Variants in LRP1B observed in about 807,000 individuals in gnomAD.
The protein encoded by LRP1B is LDL receptor related protein 1B, also known as low-density lipoprotein receptor-related protein 1B.
In LRP1B, 217 loss-of-function variants were observed where a neutral mutation model predicts 556.6. The ratio of observed to expected loss-of-function variants is 0.39; its 90% CI spans 0.35 to 0.44. The LOEUF (loss-of-function observed/expected upper bound fraction) is 0.44, where lower values mean the gene tolerates loss of function less well. Ranked by LOEUF, LRP1B falls within the 20% of genes least tolerant of loss-of-function variation. The probability of loss-of-function intolerance (pLI) is 1.00; values close to 1 mark genes in which losing one functional copy is unlikely to be tolerated. For missense variants in LRP1B, 5,053 were observed against 5,620.8 expected (o/e 0.90, Z 3.23); for synonymous variants, 2,047 against 1,865.8 (o/e 1.10, Z -2.50).
chr2:140,663,265 C>G (rs1360583323), intron 41 of LRP1B, among the ~76,000 whole-genome samples: 1 of 152,124 alleles, frequency 6.6e-6, no homozygotes. Flanking sequence ...TACAAACACA[C>G]CATGTTGGAA....
rs1219223165 is a variant in LRP1B, at chr2:140,467,654, A to T, written c.9625+7484T>A. 2.7e-5 allele frequency among the ~76,000 whole-genome samples: 4 copies of T among 148,228 alleles called. No individual in the cohort carries two copies. The East Asian group carries it at 8.0e-4, about 30-fold the overall frequency. ...AAAAAGTCTTAAAAGGTGGAGGTGG[A>T]GGCTTTGAGAAGTGATTGTCATGAG... On this transcript the variant is annotated intron_variant, in intron 60 of 90. Transcript: ENST00000389484.
chr2:141,906,083 G>T (rs1167603409), intron 1 of LRP1B, among the ~76,000 whole-genome samples: 1 of 151,074 alleles, frequency 6.6e-6, no homozygotes, highest in Non-Finnish European at 1.5e-5. Flanking sequence ...AGAAAATGAG[G>T]GATGGAGGGA....
rs1338481204 is a variant in LRP1B at position 141,096,661 on chromosome 2, A to AGGGAGAGAGG, written c.1014-34389_1014-34388insCCTCTCTCCC. On this transcript the variant is annotated intron_variant, in intron 7 of 90. Coordinates refer to ENST00000389484, the MANE Select transcript of LRP1B (RefSeq NM_018557.3). ...GAGAGAGAGAGAGAGAGAGAGAGAG[A>AGGGAGAGAGG]GAGAGAGAGAGAGAGAGAGAGAGAG... Among the ~76,000 whole-genome samples the AGGGAGAGAGG allele has an allele frequency of 3.5e-5, 3 of 84,790 alleles. No homozygotes were observed. In the East Asian group the frequency reaches 3.0e-3, roughly 84 times the overall value. The allele number at this position is 84,790 out of a possible 152,430, so 55.6% of individuals were successfully genotyped here.
At chr2:142,128,737 A>G (rs1707745243) in intron 1 of LRP1B, among the ~76,000 whole-genome samples, 1 of 152,110 alleles carries the variant, frequency 6.6e-6, no homozygotes. Flanking sequence ...ACACGACACT[A>G]TTTCATTTTT....
At chr2:140,583,924 T>C (rs1329912758) in intron 43 of LRP1B, among the ~76,000 whole-genome samples, 1 of 152,206 alleles carries the variant, frequency 6.6e-6, no homozygotes, top group South Asian at 2.1e-4. Flanking sequence ...CTTCCCATAA[T>C]GTCTTGGTTG....
At chr2:140,814,463 A>G (rs1049846765) in intron 31 of LRP1B, among the ~76,000 whole-genome samples, 3 of 152,206 alleles carry the variant, frequency 2.0e-5, no homozygotes, top group African/African-American at 7.2e-5. Context: ...CATTCCAGAT[A>G]TTTTTGAAAG....
intron 1 of LRP1B, among the ~76,000 whole-genome samples, chr2:142,068,663 T>A (rs1367048158): frequency 2.0e-5 from 3 of 151,500 alleles, no homozygotes; most frequent in Non-Finnish European, 3.0e-5. Flanking sequence ...ATTTGCAATA[T>A]CCTGAAGGAC....
At chr2:141,763,208 A>T (rs1694619325) in intron 2 of LRP1B, among the ~76,000 whole-genome samples, 1 of 152,150 alleles carries the variant, frequency 6.6e-6, no homozygotes, top group Admixed American at 6.5e-5. Flanking sequence ...ATTGAGTGAG[A>T]GTATGTATAA....
chr2:142,026,250 C>T (rs944418270), intron 1 of LRP1B, among the ~76,000 whole-genome samples: 1 of 152,074 alleles, frequency 6.6e-6, no homozygotes, highest in African/African-American at 2.4e-5. Context: ...TTAAAGAACA[C>T]ATCTGTTAAG....
chr2:141,716,627 C>T (rs1427837275), intron 2 of LRP1B, among the ~76,000 whole-genome samples: 1 of 152,046 alleles, frequency 6.6e-6, no homozygotes, highest in Non-Finnish European at 1.5e-5. Flanking sequence ...CAAAGAAGGC[C>T]ACTGCTCTGC....
chr2:140,665,410 G>A (rs142320277), intron 41 of LRP1B, among the ~76,000 whole-genome samples: 1 of 152,094 alleles, frequency 6.6e-6, no homozygotes, highest in African/African-American at 2.4e-5. Context: ...CTACAACATA[G>A]ACTCTATGAA....
intron 3 of LRP1B, among the ~76,000 whole-genome samples, chr2:141,367,442 A>G (rs1350463124): frequency 1.8e-5 from 1 of 56,226 alleles, no homozygotes; most frequent in Non-Finnish European, 3.9e-5. Flanking sequence ...TTTGAAACGT[A>G]TTTTGGATTG....
chr2:141,497,946 A>G (rs920507381), intron 2 of LRP1B, among the ~76,000 whole-genome samples: 5 of 149,772 alleles, frequency 3.3e-5, no homozygotes, highest in Admixed American at 6.7e-5. Flanking sequence ...AAATAACCTA[A>G]CACAGTCATA....
At chr2:141,749,236 C>T (rs905961649) in intron 2 of LRP1B, among the ~76,000 whole-genome samples, 18 of 152,052 alleles carry the variant, frequency 1.2e-4, no homozygotes, top group African/African-American at 4.3e-4. Flanking sequence ...ATATGGAAAA[C>T]AAGACCTTGT....
chr2:142,124,019 A>T (rs1019118426), intron 1 of LRP1B, among the ~76,000 whole-genome samples: 3 of 151,920 alleles, frequency 2.0e-5, no homozygotes, highest in African/African-American at 7.2e-5. Context: ...AGAGTTATTG[A>T]ACAACAGAAA....
chr2:140,999,872 C>T (rs1403832961), intron 15 of LRP1B, among the ~76,000 whole-genome samples: 1 of 151,842 alleles, frequency 6.6e-6, no homozygotes, highest in East Asian at 2.0e-4. Context: ...TACTGAAAAC[C>T]CATTCGTGCA....
At chr2:141,269,016 A>G (rs1373665396) in intron 3 of LRP1B, among the ~76,000 whole-genome samples, 2 of 152,198 alleles carry the variant, frequency 1.3e-5, no homozygotes, top group Non-Finnish European at 2.9e-5. Flanking sequence ...GTATAACTCT[A>G]AGAAGAGTGA....
intron 3 of LRP1B, 105 bp from the exon 4 acceptor site, chr2:141,254,746 G>T: frequency 1.2e-6 from 1 of 843,514 alleles, no homozygotes; most frequent in Non-Finnish European, 1.7e-6. Flanking sequence ...TGTTCTCCCA[G>T]AAAGTTTATA....
intron 2 of LRP1B, among the ~76,000 whole-genome samples, chr2:141,721,831 T>C (rs575863087): frequency 9.2e-5 from 14 of 152,140 alleles, no homozygotes; most frequent in East Asian, 5.8e-4. Context: ...AAAATGTATA[T>C]GGCCATCTCC....
Sources: allele counts gnomAD v4.1 joint callset (sites outside exome capture counted in the v4.1 genomes callset), GRCh38; gene constraint gnomAD v4.1.1; transcripts MANE v1.5; gene names NCBI Gene and HGNC (gene_info 2026-07-23, HGNC 2026-07-21).